The following JMJD1C variants were observed in gnomAD, a reference collection of about 807,000 sequenced individuals.
The protein encoded by JMJD1C is jumonji domain containing 1C.
Under a neutral mutation model 245.3 loss-of-function variants are expected in JMJD1C, and 31 were observed. The observed-to-expected ratio is 0.13, with a 90% CI of 0.09 to 0.17. The LOEUF (loss-of-function observed/expected upper bound fraction) is 0.17. JMJD1C is among the 10% of genes least tolerant of loss of function. The pLI is 1.00. For synonymous variants in JMJD1C, 1,057 were observed against 1,017.4 expected, an observed-to-expected ratio of 1.04 and a Z score of -0.74; for missense variants, 2,691 against 3,000.2, an observed-to-expected ratio of 0.90 and a Z score of 2.41.
intron 17 of JMJD1C, 134 bp from the exon 18 acceptor site, chr10:63,189,580 C>G: frequency 1.3e-6 from 1 of 763,534 alleles, no homozygotes. Flanking sequence ...ATTTGAGTTC[C>G]TATATTCCTG....
At chr10:63,367,890 G>T (rs1428619589) in intron 2 of JMJD1C, among the ~76,000 whole-genome samples, 1 of 152,202 alleles carries the variant, frequency 6.6e-6, no homozygotes, top group Non-Finnish European at 1.5e-5. Context: ...TTTATGTACA[G>T]TAGTGTGTCT....
At chr10:63,421,553 G>A (rs564995728) in intron 1 of JMJD1C, among the ~76,000 whole-genome samples, 7 of 152,090 alleles carry the variant, frequency 4.6e-5, no homozygotes, top group Admixed American at 6.6e-5. Context: ...TTGTACATTT[G>A]TACTTTGTGT....
rs1564588760 is a variant in JMJD1C at position 63,197,451 on chromosome 10, G to A, written c.5604C>T (p.Cys1868=). 1.2e-6 allele frequency: 2 copies of A among 1,613,470 alleles called. No homozygotes were observed. Among genetic ancestry groups the A allele is most frequent in the Non-Finnish European group, 8.5e-7 (1 of 1,179,814 alleles). Residue 1868 remains cysteine (C), a synonymous_variant, in exon 13 of 26, where the codon TGC becomes TGT. Transcript: ENST00000399262. Reference sequence around the variant, plus strand: ...TTTCCTTTGCCTTGTAACAATCTAAGCAGACCACAAATCCACATTTTTGGC... The same window carrying A: ...TTTCCTTTGCCTTGTAACAATCTAAACAGACCACAAATCCACATTTTTGGC... The part of the protein sequence containing the change: ...WVCQKCGFVV[C]LDCYKAKERK...
chr10:63,384,501 G>A (rs1306984931), intron 1 of JMJD1C, among the ~76,000 whole-genome samples: 13 of 152,186 alleles, frequency 8.5e-5, no homozygotes, highest in Admixed American at 8.5e-4. Flanking sequence ...CTCCTTGAGA[G>A]CTCTTGGGTG....
At chr10:63,506,636 T>A (rs1488386557) in intron 1 of JMJD1C, among the ~76,000 whole-genome samples, 8 of 152,196 alleles carry the variant, frequency 5.3e-5, no homozygotes, top group African/African-American at 1.9e-4. Flanking sequence ...TGTTTTAGGG[T>A]CACAGCCAAA....
chr10:63,447,923 A>T (rs1388316481), intron 1 of JMJD1C, among the ~76,000 whole-genome samples: 1 of 152,018 alleles, frequency 6.6e-6, no homozygotes, highest in East Asian at 1.9e-4. Flanking sequence ...TGGGTGATGG[A>T]GCAAGACTCT....
chr10:63,388,750 T>C (rs2134577698), intron 1 of JMJD1C, among the ~76,000 whole-genome samples: 1 of 152,234 alleles, frequency 6.6e-6, no homozygotes, highest in East Asian at 1.9e-4. Context: ...CTAGTTGAAA[T>C]GATTTAAAAT....
intron 10 of JMJD1C, chr10:63,203,710 A>G (rs1309589213): frequency 7.1e-6 from 7 of 983,578 alleles, no homozygotes; most frequent in South Asian, 4.7e-5. Context: ...AAGACATTCC[A>G]AAAGAGTAGA....
At position 63,200,502 on chromosome 10, in the gene JMJD1C, T is replaced by C. The variant is rs369497646; in HGVS notation, c.5250A>G (p.Val1750=). 1.8e-4 allele frequency: 290 copies of C among 1,613,778 alleles called. 1 individual carries two copies. The highest frequency in any genetic ancestry group is 1.5e-3 in the African/African-American group (113 of 75,044). ...GTCTAAAGTAGTAAAATCTACAAAATACTGGTGAGTGAGCTGGTTCTTCTC... is the reference window on the plus strand; with the variant it reads ...GTCTAAAGTAGTAAAATCTACAAAACACTGGTGAGTGAGCTGGTTCTTCTC... ...KKGEEPAHSP[V]FCRFYYFRRL... Residue 1750 remains valine (V), a synonymous_variant, in exon 11 of 26, where the codon GTA becomes GTG. Coordinates refer to ENST00000399262, the MANE Select transcript of JMJD1C (RefSeq NM_032776.3).
At chr10:63,210,617 T>A (rs1268354811) in intron 8 of JMJD1C, among the ~76,000 whole-genome samples, 1 of 152,176 alleles carries the variant, frequency 6.6e-6, no homozygotes, top group African/African-American at 2.4e-5. Context: ...ACAAATCTGT[T>A]AGCCAGCTCT....
intron 13 of JMJD1C, among the ~76,000 whole-genome samples, chr10:63,196,005 G>A (rs1180259357): frequency 6.6e-6 from 1 of 151,904 alleles, no homozygotes; most frequent in Non-Finnish European, 1.5e-5. Context: ...CAGCAGGCTG[G>A]GCGTGGTGGC....
intron 1 of JMJD1C, among the ~76,000 whole-genome samples, chr10:63,388,995 G>T (rs978883943): frequency 3.3e-5 from 5 of 152,064 alleles, no homozygotes; most frequent in African/African-American, 1.2e-4. Flanking sequence ...GCACCAAACA[G>T]CAGAGGACCC....
rs551938385 is a variant in JMJD1C, at chr10:63,208,186, G to A, written c.3483C>T (p.Gly1161=). The A allele has an allele frequency of 1.1e-5, 17 of 1,613,270 alleles. No homozygotes were observed. The highest frequency in any genetic ancestry group is 1.4e-5 in the Non-Finnish European group (16 of 1,179,944). The change falls in exon 10 of 26, where the codon GGC becomes GGT. Residue 1161 remains glycine (G), a synonymous_variant. Coordinates refer to ENST00000399262, the MANE Select transcript of JMJD1C (RefSeq NM_032776.3). ...KHQPESEGLV[G]KIPEHLPHQI... is the part of the protein sequence containing the mutation. The stretch of plus-strand genomic sequence containing the variant: ...GATGTGGAAGATGTTCTGGTATCTT[G>A]CCTACTAAACCTTCACTTTCTGGTT...
At chr10:63,264,377 AT>A (rs1855263163) in intron 3 of JMJD1C, among the ~76,000 whole-genome samples, 1 of 152,166 alleles carries the variant, frequency 6.6e-6, no homozygotes, top group Non-Finnish European at 1.5e-5. Flanking sequence ...TCTAATAATG[AT>A]TATTTAGAAT....
intron 3 of JMJD1C, among the ~76,000 whole-genome samples, chr10:63,237,889 G>C (rs967678859): frequency 6.6e-6 from 1 of 151,220 alleles, no homozygotes; most frequent in Non-Finnish European, 1.5e-5. Context: ...AAAAAAAGGC[G>C]GCCAGGCACA....
At chr10:63,313,798 C>CTT in intron 2 of JMJD1C, among the ~76,000 whole-genome samples, 1 of 152,124 alleles carries the variant, frequency 6.6e-6, no homozygotes, top group Non-Finnish European at 1.5e-5. Context: ...GACTGTTGAA[C>CTT]TTTTTGTTTG....
intron 1 of JMJD1C, among the ~76,000 whole-genome samples, chr10:63,405,316 ATTTTTTT>A (rs60087645): frequency 2.0e-5 from 2 of 99,454 alleles, no homozygotes. Context: ...CCACATGTAG[ATTTTTTT>A]TTTTTTTTTT....
chr10:63,459,548 T>C (rs1952641605), intron 1 of JMJD1C, among the ~76,000 whole-genome samples: 1 of 152,218 alleles, frequency 6.6e-6, no homozygotes, highest in Non-Finnish European at 1.5e-5. Context: ...TTATACTTCA[T>C]ACACATTAAA....
At chr10:63,325,393 T>G (rs966508102) in intron 2 of JMJD1C, among the ~76,000 whole-genome samples, 3 of 152,160 alleles carry the variant, frequency 2.0e-5, no homozygotes, top group Admixed American at 2.0e-4. Flanking sequence ...CAGGATGGAG[T>G]GCTGTGAGGA....
Sources: gnomAD v4.1 joint callset for allele counts (sites outside exome capture counted in the v4.1 genomes callset) on GRCh38, gnomAD v4.1.1 for gene constraint, MANE v1.5 for transcripts, NCBI Gene and HGNC (gene_info 2026-07-23, HGNC 2026-07-21) for gene names.